Variants in MSRB2 observed in about 807,000 individuals in gnomAD.
MSRB2 encodes methionine-R-sulfoxide reductase B2, mitochondrial.
MSRB2 carries 17 observed loss-of-function variants against 19.0 expected under a neutral mutation model. That is an observed-to-expected ratio of 0.89 (90% CI 0.61 to 1.34). The LOEUF is 1.34. MSRB2 is among the 40% of genes most tolerant of loss of function. The pLI, the probability that MSRB2 is intolerant of heterozygous loss-of-function variation, is 0.00. For missense variants in MSRB2, 208 were observed against 237.6 expected, an observed-to-expected ratio of 0.88 and a Z score of 0.82; for synonymous variants, 107 against 99.7, an observed-to-expected ratio of 1.07 and a Z score of -0.44.
chr10:23,097,596 T>C (rs1417288315), intron 1 of MSRB2, among the ~76,000 whole-genome samples: 1 of 152,190 alleles, frequency 6.6e-6, no homozygotes, highest in Non-Finnish European at 1.5e-5. Flanking sequence ...GGCTTTAGCA[T>C]ATGGGAGTGG....
chr10:23,098,133 C>G (rs1839886995), intron 1 of MSRB2, among the ~76,000 whole-genome samples: 1 of 152,176 alleles, frequency 6.6e-6, no homozygotes, highest in African/African-American at 2.4e-5. Flanking sequence ...AGTCCAGGCA[C>G]TGGTGGGAGA....
chr10:23,118,698 G>A (rs1211382493), intron 3 of MSRB2, among the ~76,000 whole-genome samples: 1 of 152,152 alleles, frequency 6.6e-6, no homozygotes, highest in Admixed American at 6.5e-5. Context: ...TCACACTTCA[G>A]TTTCCCCTCA....
At chr10:23,104,929 C>T (rs963765814) in intron 2 of MSRB2, among the ~76,000 whole-genome samples, 3 of 152,184 alleles carry the variant, frequency 2.0e-5, no homozygotes, top group Non-Finnish European at 4.4e-5. Flanking sequence ...CAAACCTTCT[C>T]CTAGCCCCCA....
Position 23,095,583 on chromosome 10 carries a change from GGC to G in MSRB2, c.-24_-23del. 1 of 1,471,778 alleles carries G rather than the reference GGC, an allele frequency of 6.8e-7. No homozygotes were observed. Among genetic ancestry groups the G allele is most frequent in the South Asian group, 1.3e-5 (1 of 78,938 alleles). 91.2% of individuals were successfully genotyped at this position (1,471,778 alleles called of 1,614,324 possible). On this transcript the variant is annotated 5_prime_UTR_variant, in exon 1 of 5. Transcript: ENST00000376510. ...GGGCAGAGACGGGCAGAGGGCAGAGGGCGGAGCGGCGCCGGAGCGGGCGTCAT... is the reference window on the plus strand; with the variant it reads ...GGGCAGAGACGGGCAGAGGGCAGAGGGGAGCGGCGCCGGAGCGGGCGTCAT...
intron 1 of MSRB2, among the ~76,000 whole-genome samples, chr10:23,096,163 C>T (rs1048407502): frequency 1.2e-4 from 19 of 152,138 alleles, no homozygotes; most frequent in African/African-American, 4.6e-4. Context: ...TTCCTTCCAG[C>T]ATCTGAGAAG....
intron 2 of MSRB2, among the ~76,000 whole-genome samples, chr10:23,104,517 C>T (rs1839963765): frequency 6.6e-6 from 1 of 152,122 alleles, no homozygotes; most frequent in Admixed American, 6.5e-5. Flanking sequence ...GGCCAAGTCA[C>T]CATCACCTTC....
chr10:23,114,648 G>T (rs1336778757), intron 3 of MSRB2, among the ~76,000 whole-genome samples: 2 of 152,224 alleles, frequency 1.3e-5, no homozygotes, highest in Admixed American at 6.5e-5. Flanking sequence ...AGCCCTCTGG[G>T]CACGCGGCAG....
At chr10:23,118,596 G>A (rs1231270525) in intron 3 of MSRB2, among the ~76,000 whole-genome samples, 2 of 151,978 alleles carry the variant, frequency 1.3e-5, no homozygotes, top group Non-Finnish European at 2.9e-5. Flanking sequence ...TTGATGCCAG[G>A]TACCCAGGCG....
rs1161423487 is a variant in MSRB2 at position 23,121,419 on chromosome 10, C to T, written c.*557C>T. 1 of 152,300 alleles carries T rather than the reference C, an allele frequency of 6.6e-6. No homozygotes were observed. Among genetic ancestry groups the T allele is most frequent in the Non-Finnish European group, 1.5e-5 (1 of 68,168 alleles). The allele number at this position is 152,300 out of a possible 1,614,324, so 9.4% of individuals were successfully genotyped here. ...AGCACCAAGCCATGAGGGATCCACC[C>T]TCATGACCCAGTTACCTCCCGGCAG... is the stretch of plus-strand genomic sequence containing the variant. On this transcript the variant is annotated 3_prime_UTR_variant, in exon 5 of 5. Transcript: ENST00000376510.
At chr10:23,097,810 G>A (rs1839883636) in intron 1 of MSRB2, among the ~76,000 whole-genome samples, 1 of 152,054 alleles carries the variant, frequency 6.6e-6, no homozygotes, top group East Asian at 1.9e-4. Context: ...ATAAATGTTA[G>A]TTATGATTAC....
At chr10:23,120,430 A>T (rs1349352730) in intron 4 of MSRB2, among the ~76,000 whole-genome samples, 1 of 152,260 alleles carries the variant, frequency 6.6e-6, no homozygotes, top group Non-Finnish European at 1.5e-5. Context: ...CCCAGGAATT[A>T]TGTTAATGCT....
chr10:23,107,167 A>C (rs1839994593), intron 2 of MSRB2, among the ~76,000 whole-genome samples: 1 of 152,228 alleles, frequency 6.6e-6, no homozygotes, highest in South Asian at 2.1e-4. Context: ...ATCTTGCCCC[A>C]TTCCAGCTCA....
At chr10:23,117,072 C>T (rs577599746) in intron 3 of MSRB2, among the ~76,000 whole-genome samples, 4 of 152,282 alleles carry the variant, frequency 2.6e-5, no homozygotes, top group Admixed American at 2.6e-4. Context: ...AAGAAGGGCT[C>T]TATTCAGTCA....
At chr10:23,096,325 CCTGTGTGTGTGTGTCTCTCTCTCTCT>C (rs1422606560) in intron 1 of MSRB2, among the ~76,000 whole-genome samples, 1 of 107,782 alleles carries the variant, frequency 9.3e-6, no homozygotes, top group Non-Finnish European at 1.9e-5. Context: ...CCAGGGCGAG[CCTGTGTGTGTGTGTCTCTCTCTCTCT>C]CTGTGTGTGT....
intron 4 of MSRB2, 144 bp downstream of exon 4, chr10:23,119,595 CTTTGT>C (rs367774870): frequency 2.4e-4 from 261 of 1,070,690 alleles, no homozygotes; most frequent in Middle Eastern, 9.5e-4. Context: ...TTTTGTTTTG[CTTTGT>C]TTTGTTTTGT....
At chr10:23,119,259 T>C in intron 3 of MSRB2, 45 bp from the exon 4 acceptor site, 5 of 1,606,374 alleles carry the variant, frequency 3.1e-6, no homozygotes, top group Non-Finnish European at 4.3e-6. Context: ...GGCATGTTAA[T>C]GACAGTGTCA....
chr10:23,108,475 C>CTTTTTT (rs566565955), intron 2 of MSRB2, among the ~76,000 whole-genome samples: 1 of 129,258 alleles, frequency 7.7e-6, no homozygotes, highest in African/African-American at 2.9e-5. Context: ...GAAACTTCCT[C>CTTTTTT]TTTTTTTTTT....
chr10:23,104,782 C>A (rs1348573062), intron 2 of MSRB2, among the ~76,000 whole-genome samples: 3 of 152,130 alleles, frequency 2.0e-5, no homozygotes, highest in African/African-American at 4.8e-5. Flanking sequence ...TGAGCTCTCA[C>A]ATGCCCTGGG....
At chr10:23,110,104 C>G (rs1840033010) in intron 2 of MSRB2, 138 bp from the exon 3 acceptor site, 1 of 626,198 alleles carries the variant, frequency 1.6e-6, no homozygotes, top group Non-Finnish European at 2.8e-6. Context: ...ATAATTTTCT[C>G]TCTGGCGTTA....
Sources: gnomAD v4.1 joint callset for allele counts (sites outside exome capture counted in the v4.1 genomes callset) on GRCh38, gnomAD v4.1.1 for gene constraint, MANE v1.5 for transcripts, NCBI Gene and HGNC (gene_info 2026-07-23, HGNC 2026-07-21) for gene names.